Variants in PTGER2 observed in about 807,000 individuals in gnomAD.
PTGER2 encodes the protein prostaglandin E receptor 2, also known as prostaglandin E2 receptor EP2 subtype.
PTGER2 carries 22 observed loss-of-function variants against 26.2 expected under a neutral mutation model. That is an observed-to-expected ratio of 0.84 (90% CI 0.60 to 1.20). The LOEUF (loss-of-function observed/expected upper bound fraction) is 1.20. PTGER2 is among the 50% of genes most tolerant of loss of function. The pLI, the probability that PTGER2 is intolerant of heterozygous loss-of-function variation, is 0.00. For synonymous variants in PTGER2, 219 were observed against 208.9 expected (o/e 1.05, Z -0.42); for missense variants, 458 against 475.2 (o/e 0.96, Z 0.34).
At chr14:52,318,299 A>T (rs2033861427) in intron 1 of PTGER2, among the ~76,000 whole-genome samples, 1 of 152,248 alleles carries the variant, frequency 6.6e-6, no homozygotes, top group Non-Finnish European at 1.5e-5. Flanking sequence ...ACATGATCTG[A>T]TAGAAATACA....
At chr14:52,317,064 A>C (rs1050839788) in intron 1 of PTGER2, among the ~76,000 whole-genome samples, 6 of 152,252 alleles carry the variant, frequency 3.9e-5, no homozygotes, top group African/African-American at 1.4e-4. Context: ...TCTATGAAAG[A>C]AAGCATTTCA....
intron 1 of PTGER2, among the ~76,000 whole-genome samples, chr14:52,318,009 G>A (rs1343978058): frequency 6.6e-6 from 1 of 152,202 alleles, no homozygotes; most frequent in Non-Finnish European, 1.5e-5. Flanking sequence ...CTTGATTTAA[G>A]TTATTTCTTG....
At position 52,327,378 on chromosome 14, in the gene PTGER2, T is replaced by C; in HGVS notation, c.1001T>C (p.Ile334Thr). Residue 334 changes from isoleucine (I) to threonine (T), a missense_variant, in exon 2 of 2, where the codon ATT becomes ACT. Physicochemically the swap from Ile to Thr is moderately conservative, Grantham distance 89. Coordinates refer to ENST00000245457, the MANE Select transcript of PTGER2 (RefSeq NM_000956.4). ...ATGCGTTCAGTCCTCTGTTGTCGGATTTCATTAAGAACACAAGATGCAACA... is the reference window on the plus strand; with the variant it reads ...ATGCGTTCAGTCCTCTGTTGTCGGACTTCATTAAGAACACAAGATGCAACA... ...RLMRSVLCCRISLRTQDATQT... is the reference protein window; with the variant it reads ...RLMRSVLCCRTSLRTQDATQT... The C allele has an allele frequency of 6.2e-7, 1 of 1,613,918 alleles. No individual in the cohort carries two copies. The highest frequency in any genetic ancestry group is 1.1e-5 in the South Asian group (1 of 91,076).
At position 52,314,798 on chromosome 14, in the gene PTGER2, C is replaced by T. The variant is rs1313381492; in HGVS notation, c.250C>T (p.Leu84Phe). 2.5e-6 allele frequency: 4 copies of T among 1,612,648 alleles called. No homozygotes were observed. Among genetic ancestry groups the T allele is most frequent in the Non-Finnish European group, 3.4e-6 (4 of 1,179,676 alleles). The change falls in exon 1 of 2, where the codon CTC (leucine) becomes TTC (phenylalanine). Residue 84 changes from leucine (L) to phenylalanine (F), a missense_variant. By Grantham distance (22) the Leu-to-Phe change is conservative (BLOSUM62 0). Coordinates refer to ENST00000245457, the MANE Select transcript of PTGER2 (RefSeq NM_000956.4). This position sits in a 1 kb window ranked among gnomAD's most constrained non-coding sequence, Gnocchi z 5.7. ...LVFTDLLGTC[L>F]ISPVVLASYA... ...GTTCACCGACCTGCTCGGGACCTGC[C>T]TCATCAGCCCAGTGGTACTGGCTTC...
intron 1 of PTGER2, among the ~76,000 whole-genome samples, chr14:52,317,105 G>C (rs548276925): frequency 7.7e-4 from 117 of 152,304 alleles, no homozygotes; most frequent in African/African-American, 2.8e-3. Context: ...CATTCAGCTT[G>C]GGGATCAGAA....
In PTGER2 at chr14:52,319,717, A is replaced by G. The variant is rs573887630; in HGVS notation, c.843+4326A>G. 5.3e-5 allele frequency among the ~76,000 whole-genome samples: 8 copies of G among 152,278 alleles called. No individual in the cohort carries two copies. In the South Asian group the frequency reaches 1.7e-3, roughly 32 times the overall value. ...CAAGCCCCTTTCTCGCCACTTTTCT[A>G]ATTGTGGATAGCTTCTGGCCATTTT... On this transcript the variant is annotated intron_variant, in intron 1 of 1. Transcript: ENST00000245457.
At chr14:52,320,484 T>C (rs1421789406) in intron 1 of PTGER2, among the ~76,000 whole-genome samples, 1 of 152,152 alleles carries the variant, frequency 6.6e-6, no homozygotes, top group Non-Finnish European at 1.5e-5. Context: ...TATTTCTTCT[T>C]TGGCATATCA....
intron 1 of PTGER2, among the ~76,000 whole-genome samples, chr14:52,319,358 A>G (rs2140036533): frequency 6.6e-6 from 1 of 152,346 alleles, no homozygotes; most frequent in Middle Eastern, 3.4e-3. Context: ...GTCTAAATTA[A>G]GAAATAATCA....
At position 52,327,525 on chromosome 14, in the gene PTGER2, T is replaced by C; in HGVS notation, c.*71T>C. 7.3e-6 allele frequency: 9 copies of C among 1,238,744 alleles called. No homozygotes were observed. Among genetic ancestry groups the C allele is most frequent in the Non-Finnish European group, 1.0e-5 (9 of 881,244 alleles). The allele number at this position is 1,238,744 out of a possible 1,614,324, so 76.7% of individuals were successfully genotyped here. ...ATTTTGAAATTGTTCCTTGGAGAAA[T>C]GAAAACAGTGTGTAAACAAAATGAA... On this transcript the variant is annotated 3_prime_UTR_variant, in exon 2 of 2. Coordinates refer to ENST00000245457, the MANE Select transcript of PTGER2 (RefSeq NM_000956.4).
chr14:52,320,943 T>C (rs1361796613), intron 1 of PTGER2, among the ~76,000 whole-genome samples: 1 of 152,166 alleles, frequency 6.6e-6, no homozygotes, highest in Non-Finnish European at 1.5e-5. Context: ...TGCAAAAACG[T>C]TTATATGAGT....
At position 52,315,282 on chromosome 14, in the gene PTGER2, C is replaced by T; in HGVS notation, c.734C>T (p.Pro245Leu). The T allele has an allele frequency of 8.1e-6, 13 of 1,612,416 alleles. No individual in the cohort carries two copies. The highest frequency in any genetic ancestry group is 1.0e-5 in the Non-Finnish European group (12 of 1,179,616). ...GPSLGSGRGG[P>L]GARRRGERVS... ...TCCCTGGGCAGTGGCCGGGGCGGCCCCGGGGCCCGCAGGAGAGGGGAAAGG... is the reference window on the plus strand; with the variant it reads ...TCCCTGGGCAGTGGCCGGGGCGGCCTCGGGGCCCGCAGGAGAGGGGAAAGG... Residue 245 changes from proline (P) to leucine (L), a missense_variant, in exon 1 of 2, where the codon CCC becomes CTC. By Grantham distance (98) the Pro-to-Leu change is moderately conservative. Coordinates refer to ENST00000245457, the MANE Select transcript of PTGER2 (RefSeq NM_000956.4).
Position 52,327,356 on chromosome 14 carries a change from C to A in PTGER2, c.979C>A (p.Arg327Ser), listed in dbSNP as rs753407755. 1.9e-6 allele frequency: 3 copies of A among 1,613,138 alleles called. No homozygotes were observed. The highest frequency in any genetic ancestry group is 2.2e-5 in the South Asian group (2 of 91,070). ...ILRPPVLRLM[R>S]SVLCCRISLR... ...TAGGCCTCCTGTTCTGAGACTAATG[C>A]GTTCAGTCCTCTGTTGTCGGATTTC... Residue 327 changes from arginine to serine, a missense_variant, in exon 2 of 2, where the codon CGT becomes AGT. Arg to Ser is a moderately radical substitution (Grantham distance 110). Coordinates refer to ENST00000245457, the MANE Select transcript of PTGER2 (RefSeq NM_000956.4).
chr14:52,323,676 C>G lies in PTGER2; in HGVS notation c.844-3545C>G, dbSNP rs1380070539. Among the ~76,000 whole-genome samples the G allele has an allele frequency of 4.6e-5, 7 of 152,204 alleles. No individual in the cohort carries two copies. In the South Asian group the frequency reaches 1.4e-3, roughly 32 times the overall value. ...GAAAAGTAGCGCAAAAGAATAGTAC[C>G]TGGTCAGTGCCAAAATGAAGTTTTC... On this transcript the variant is annotated intron_variant, in intron 1 of 1. Coordinates refer to ENST00000245457, the MANE Select transcript of PTGER2 (RefSeq NM_000956.4).
intron 1 of PTGER2, among the ~76,000 whole-genome samples, chr14:52,326,969 C>T (rs2033956635): frequency 6.6e-6 from 1 of 152,102 alleles, no homozygotes; most frequent in African/African-American, 2.4e-5. Context: ...AGACATTGTG[C>T]ATGGTGTTAA....
chr14:52,325,912 A>G (rs1051171353), intron 1 of PTGER2, among the ~76,000 whole-genome samples: 1 of 152,234 alleles, frequency 6.6e-6, no homozygotes, highest in Non-Finnish European at 1.5e-5. Context: ...GTAAGTACTC[A>G]GAGAAGGGAA....
chr14:52,315,185 G>A lies in PTGER2; in HGVS notation c.637G>A (p.Ala213Thr), dbSNP rs2033824775. 1.9e-6 allele frequency: 3 copies of A among 1,608,684 alleles called. No individual in the cohort carries two copies. Among genetic ancestry groups the A allele is most frequent in the Non-Finnish European group, 2.5e-6 (3 of 1,179,950 alleles). The change falls in exon 1 of 2, where the codon GCC (alanine) becomes ACC (threonine). Residue 213 changes from alanine to threonine, a missense_variant. Coordinates refer to ENST00000245457, the MANE Select transcript of PTGER2 (RefSeq NM_000956.4). ...LLLLLIVSVL[A>T]CNFSVILNLI... The stretch of plus-strand genomic sequence containing the variant: ...GCTGCTTCTCATTGTCTCGGTGCTC[G>A]CCTGCAACTTCAGTGTCATTCTCAA...
intron 1 of PTGER2, among the ~76,000 whole-genome samples, chr14:52,316,556 C>T (rs1033796758): frequency 1.3e-5 from 2 of 152,168 alleles, no homozygotes; most frequent in Non-Finnish European, 2.9e-5. Context: ...ATGGGCAGTG[C>T]CTACTATTAA....
rs140005651 is a variant in PTGER2 at position 52,314,668 on chromosome 14, C to T, written c.120C>T (p.Leu40=). The T allele has an allele frequency of 6.7e-4, 1,028 of 1,540,324 alleles. No homozygotes were observed. Among genetic ancestry groups the T allele is most frequent in the Non-Finnish European group, 8.4e-4 (962 of 1,141,154 alleles). ...VMFSAGVLGN[L]IALALLARRW... ...TCTCGGCCGGGGTGCTGGGGAACCT[C>T]ATAGCACTGGCGCTGCTGGCGCGCC... The change falls in exon 1 of 2, where the codon CTC becomes CTT. Residue 40 remains leucine (L), a synonymous_variant. Transcript: ENST00000245457. The surrounding 1 kb of genome is among the most constrained non-coding windows in gnomAD (Gnocchi z 5.7).
At chr14:52,321,733 G>C (rs530878625) in intron 1 of PTGER2, among the ~76,000 whole-genome samples, 1 of 152,296 alleles carries the variant, frequency 6.6e-6, no homozygotes, top group Admixed American at 6.5e-5. Flanking sequence ...ATACTTCGTA[G>C]GTTTATGTAA....
Sources: gnomAD v4.1 joint callset for allele counts (sites outside exome capture counted in the v4.1 genomes callset) on GRCh38, gnomAD v4.1.1 for gene constraint, Gnocchi (gnomAD v3.1) non-coding constraint, MANE v1.5 for transcripts, NCBI Gene and HGNC (gene_info 2026-07-23, HGNC 2026-07-21) for gene names.